Variants in FRYL observed in about 807,000 individuals in gnomAD.
FRYL encodes FRY like transcription coactivator, also known as protein furry homolog-like.
In FRYL, 150 loss-of-function variants were observed where a neutral mutation model predicts 351.2. That is an observed-to-expected ratio of 0.43 (90% confidence interval 0.37 to 0.49). The LOEUF (loss-of-function observed/expected upper bound fraction) is 0.49, where lower values mean the gene tolerates loss of function less well. FRYL is among the 20% of genes least tolerant of loss of function. The pLI, the probability that FRYL is intolerant of heterozygous loss-of-function variation, is 0.00. For missense variants in FRYL, 3,036 were observed against 3,619.3 expected, an observed-to-expected ratio of 0.84 and a Z score of 4.13; for synonymous variants, 1,153 against 1,257.1, an observed-to-expected ratio of 0.92 and a Z score of 1.75.
At chr4:48,541,549 A>C (rs1326731230) in intron 45 of FRYL, among the ~76,000 whole-genome samples, 1 of 152,218 alleles carries the variant, frequency 6.6e-6, no homozygotes, top group Non-Finnish European at 1.5e-5. Flanking sequence ...AAAAATCACT[A>C]TGAGAACCCA....
chr4:48,629,110 C>T lies in FRYL; in HGVS notation c.120+5181G>A, dbSNP rs1165699611. Among the ~76,000 whole-genome samples, 3 of 151,184 alleles carry T rather than the reference C, an allele frequency of 2.0e-5. No homozygotes were observed. In the East Asian group the frequency reaches 5.8e-4, roughly 29 times the overall value. ...TAAAAAGTTAATAATAATTCCAAGG[C>T]TCACAATCCTATATTTTATAATTTA... On this transcript the variant is annotated intron_variant, in intron 4 of 63. Coordinates refer to ENST00000358350, the MANE Select transcript of FRYL (RefSeq NM_015030.2).
chr4:48,740,042 T>C (rs1771873288), intron 1 of FRYL, among the ~76,000 whole-genome samples: 1 of 152,078 alleles, frequency 6.6e-6, no homozygotes, highest in Non-Finnish European at 1.5e-5. Flanking sequence ...CCTCTACAAC[T>C]GAGAAACAAA....
chr4:48,566,600 A>G (rs1195335182), intron 28 of FRYL, among the ~76,000 whole-genome samples: 1 of 152,212 alleles, frequency 6.6e-6, no homozygotes. Context: ...GTTATAAAAT[A>G]CAACCCATGT....
At chr4:48,589,019 A>C (rs1189702286) in intron 18 of FRYL, among the ~76,000 whole-genome samples, 2 of 152,226 alleles carry the variant, frequency 1.3e-5, no homozygotes, top group Non-Finnish European at 2.9e-5. Flanking sequence ...AAACTCTCAG[A>C]GATATTAGCA....
Position 48,579,053 on chromosome 4 carries a change from T to A in FRYL, c.2448A>T (p.Lys816Asn), listed in dbSNP as rs2149146896. The A allele has an allele frequency of 6.2e-7, 1 of 1,613,910 alleles. No individual in the cohort carries two copies. The highest frequency in any genetic ancestry group is 2.2e-5 in the East Asian group (1 of 44,864). Residue 816 changes from lysine (K) to asparagine (N), a missense_variant, in exon 23 of 64, where the codon AAA becomes AAT. Around this residue, in one of 7 missense-constraint regions of FRYL, gnomAD observed 492 missense variants for 551.5 expected, o/e 0.89. Coordinates refer to ENST00000358350, the MANE Select transcript of FRYL (RefSeq NM_015030.2). ...SSFLKQENLP[K>N]HCSTAVSYAW... ...CATAGCTCACAGCTGTAGAGCAGTG[T>A]TTAGGAAGATTTTCTTGCTTTAAAA...
In FRYL at chr4:48,719,338, G is replaced by A. The variant is rs757364260; in HGVS notation, c.-383-8640C>T. 6.6e-5 allele frequency among the ~76,000 whole-genome samples: 10 copies of A among 151,554 alleles called. 1 individual carries two copies. Among genetic ancestry groups the A allele is most frequent in the East Asian group, 1.9e-4 (1 of 5,154 alleles). Reference sequence around the variant, plus strand: ...ATTCCATGTGGAATGCCCTCCCTTCGTTTCTATGTATTGAAATTCCTCTAA... The same window carrying A: ...ATTCCATGTGGAATGCCCTCCCTTCATTTCTATGTATTGAAATTCCTCTAA... On this transcript the variant is annotated intron_variant, in intron 1 of 63. Coordinates refer to ENST00000358350, the MANE Select transcript of FRYL (RefSeq NM_015030.2).
intron 3 of FRYL, chr4:48,681,115 A>T (rs1051905366): frequency 1.6e-6 from 2 of 1,245,942 alleles, no homozygotes; most frequent in African/African-American, 3.1e-5. Context: ...AACTCTCTTT[A>T]AAAAATCCAT....
At chr4:48,737,090 G>T (rs1038693563) in intron 1 of FRYL, among the ~76,000 whole-genome samples, 9 of 151,444 alleles carry the variant, frequency 5.9e-5, no homozygotes, top group Non-Finnish European at 1.2e-4. Context: ...GATCAGCCTG[G>T]CCAACATGGC....
chr4:48,684,553 G>A (rs1162953880), intron 3 of FRYL, 120 bp downstream of exon 3: 1 of 152,070 alleles, frequency 6.6e-6, no homozygotes, highest in African/African-American at 2.4e-5. Flanking sequence ...TTTAACTCCT[G>A]GTATAATAGT....
intron 55 of FRYL, among the ~76,000 whole-genome samples, chr4:48,519,941 C>T (rs982298214): frequency 6.6e-6 from 1 of 152,168 alleles, no homozygotes; most frequent in African/African-American, 2.4e-5. Flanking sequence ...ACCATGTTGG[C>T]CAGATGGTCT....
intron 23 of FRYL, among the ~76,000 whole-genome samples, chr4:48,576,799 A>G (rs575040850): frequency 6.6e-6 from 1 of 152,350 alleles, no homozygotes; most frequent in East Asian, 1.9e-4. Flanking sequence ...TACTCAATGT[A>G]GAAAGAAAAC....
At chr4:48,598,338 G>A (rs1745026078) in intron 13 of FRYL, among the ~76,000 whole-genome samples, 1 of 152,152 alleles carries the variant, frequency 6.6e-6, no homozygotes, top group East Asian at 1.9e-4. Context: ...AATGCTTGAG[G>A]GGATGAATAC....
chr4:48,604,198 C>T (rs1231272491), intron 11 of FRYL, among the ~76,000 whole-genome samples: 1 of 152,060 alleles, frequency 6.6e-6, no homozygotes, highest in Non-Finnish European at 1.5e-5. Context: ...AGAGGAAGAC[C>T]TGACAAACAG....
chr4:48,528,892 C>A (rs939550686), intron 50 of FRYL, among the ~76,000 whole-genome samples: 2 of 152,098 alleles, frequency 1.3e-5, no homozygotes, highest in Admixed American at 6.6e-5. Flanking sequence ...CTATGATAAT[C>A]AAAAACTCAT....
chr4:48,679,243 G>A (rs1764252276), intron 3 of FRYL, among the ~76,000 whole-genome samples: 1 of 151,856 alleles, frequency 6.6e-6, no homozygotes, highest in African/African-American at 2.4e-5. Flanking sequence ...ATACAAAATT[G>A]GTAACTCCTA....
At chr4:48,615,297 T>TG (rs1749196059) in intron 7 of FRYL, among the ~76,000 whole-genome samples, 1 of 152,224 alleles carries the variant, frequency 6.6e-6, no homozygotes, top group South Asian at 2.1e-4. Context: ...CCTTTGGGAC[T>TG]GCTCATCAAT....
At chr4:48,502,958 C>T in intron 60 of FRYL, 113 bp from the exon 61 acceptor site, 1 of 754,172 alleles carries the variant, frequency 1.3e-6, no homozygotes, top group East Asian at 2.8e-5. Context: ...AACTGAAGAA[C>T]ATATATTTAT....
chr4:48,566,664 A>C (rs1736870935), intron 28 of FRYL, among the ~76,000 whole-genome samples: 1 of 152,154 alleles, frequency 6.6e-6, no homozygotes, highest in South Asian at 2.1e-4. Context: ...TGTGACTTTA[A>C]TTTTTCAAAG....
intron 56 of FRYL, among the ~76,000 whole-genome samples, chr4:48,514,509 G>C (rs1360541297): frequency 6.6e-6 from 1 of 152,064 alleles, no homozygotes; most frequent in Non-Finnish European, 1.5e-5. Flanking sequence ...ATACTTTCTG[G>C]TAATAAATTT....
Sources: gnomAD v4.1 joint callset for allele counts (sites outside exome capture counted in the v4.1 genomes callset) on GRCh38, gnomAD v4.1.1 for gene constraint, gnomAD v4.1.1 regional missense constraint, MANE v1.5 for transcripts, NCBI Gene and HGNC (gene_info 2026-07-23, HGNC 2026-07-21) for gene names.